Variants in APBB1IP observed in about 807,000 individuals in gnomAD.
APBB1IP encodes the protein amyloid beta precursor protein binding family B member 1 interacting protein, also known as amyloid beta A4 precursor protein-binding family B member 1-interacting protein.
Under a neutral mutation model 64.9 loss-of-function variants are expected in APBB1IP, and 27 were observed. The observed-to-expected ratio is 0.42, with a 90% CI of 0.31 to 0.57. The LOEUF (loss-of-function observed/expected upper bound fraction) is 0.57, where lower values mean the gene tolerates loss of function less well. Among genes scored for constraint, APBB1IP ranks in the 20% least tolerant of loss-of-function variants. The pLI, the probability that APBB1IP is intolerant of heterozygous loss-of-function variation, is 0.20. For missense variants in APBB1IP, 812 were observed against 845.5 expected (o/e 0.96, Z 0.49); for synonymous variants, 392 against 331.0 (o/e 1.18, Z -2.00).
intron 14 of APBB1IP, 22 bp downstream of exon 14, chr10:26,562,451 C>A: frequency 6.3e-7 from 1 of 1,583,532 alleles, no homozygotes; most frequent in Non-Finnish European, 8.7e-7. Flanking sequence ...AAGCAGCTGA[C>A]CCCTATAAGC....
chr10:26,540,391 G>A (rs1461564954), intron 10 of APBB1IP, among the ~76,000 whole-genome samples: 6 of 152,130 alleles, frequency 3.9e-5, no homozygotes, highest in African/African-American at 1.4e-4. Context: ...CCTGGGCAAC[G>A]TCATGGGATA....
At chr10:26,484,657 A>G (rs1835871575) in intron 2 of APBB1IP, among the ~76,000 whole-genome samples, 1 of 152,130 alleles carries the variant, frequency 6.6e-6, no homozygotes, top group African/African-American at 2.4e-5. Context: ...TTTCTGTTTT[A>G]TTAAAAAATT....
intron 2 of APBB1IP, among the ~76,000 whole-genome samples, chr10:26,488,689 A>G (rs1835921844): frequency 6.6e-6 from 1 of 152,214 alleles, no homozygotes; most frequent in South Asian, 2.1e-4. Flanking sequence ...TAGGTGCCAT[A>G]AACACTTTTT....
At chr10:26,516,434 T>G (rs1394359005) in intron 8 of APBB1IP, among the ~76,000 whole-genome samples, 1 of 148,356 alleles carries the variant, frequency 6.7e-6, no homozygotes, top group Non-Finnish European at 1.5e-5. Flanking sequence ...TCTCAGCTAC[T>G]TGGGAGGCTG....
intron 11 of APBB1IP, among the ~76,000 whole-genome samples, chr10:26,554,960 C>G (rs932365815): frequency 6.6e-6 from 1 of 152,016 alleles, no homozygotes; most frequent in East Asian, 1.9e-4. Context: ...TGGCAATGAC[C>G]CTATTTCCAA....
intron 2 of APBB1IP, among the ~76,000 whole-genome samples, chr10:26,469,408 C>T (rs1466428554): frequency 6.6e-6 from 1 of 151,650 alleles, no homozygotes; most frequent in African/African-American, 2.4e-5. Context: ...GACAGGCGTG[C>T]ACCACCACAC....
At chr10:26,460,733 A>G (rs1384126499) in intron 2 of APBB1IP, among the ~76,000 whole-genome samples, 1 of 152,176 alleles carries the variant, frequency 6.6e-6, no homozygotes, top group African/African-American at 2.4e-5. Context: ...TCTCACTTAT[A>G]AGTGGGAGCT....
chr10:26,560,616 G>A (rs1387292881), intron 12 of APBB1IP, 114 bp from the exon 13 acceptor site: 2 of 670,828 alleles, frequency 3.0e-6, no homozygotes, highest in Non-Finnish European at 4.9e-6. Flanking sequence ...TCAGACAAGT[G>A]GTGAACAGAG....
intron 2 of APBB1IP, among the ~76,000 whole-genome samples, chr10:26,481,904 C>G (rs1445233023): frequency 6.6e-6 from 1 of 151,576 alleles, no homozygotes; most frequent in Non-Finnish European, 1.5e-5. Context: ...TCAAAGCACT[C>G]TCTTAGTATT....
chr10:26,472,767 T>C (rs1436357462), intron 2 of APBB1IP, among the ~76,000 whole-genome samples: 2 of 151,980 alleles, frequency 1.3e-5, no homozygotes, highest in African/African-American at 4.8e-5. Flanking sequence ...TGAAACCCCG[T>C]CTCTACTAAA....
intron 8 of APBB1IP, among the ~76,000 whole-genome samples, chr10:26,529,618 C>T (rs990119425): frequency 6.6e-6 from 1 of 152,030 alleles, no homozygotes; most frequent in Non-Finnish European, 1.5e-5. Flanking sequence ...CAAACACTTG[C>T]TCTGGAGTCT....
At chr10:26,515,461 T>C (rs1056663524) in intron 8 of APBB1IP, among the ~76,000 whole-genome samples, 5 of 152,162 alleles carry the variant, frequency 3.3e-5, no homozygotes, top group African/African-American at 7.2e-5. Context: ...TTCCATCCCA[T>C]TGGCCAGAAA....
In APBB1IP at chr10:26,501,215, TCTGAGATA is replaced by T. The variant is rs370694496; in HGVS notation, c.453+107_453+114del. ...ATTCCTAAGTTGGTACATCCAAAGA[TCTGAGATA>T]CTAAAAAACAAAGATACAGAGCACG... On this transcript the variant is annotated intron_variant, in intron 5 of 14. Coordinates refer to ENST00000376236, the MANE Select transcript of APBB1IP (RefSeq NM_019043.4). 936 of 1,513,886 alleles carry T rather than the reference TCTGAGATA, an allele frequency of 6.2e-4. 11 individuals carry two copies. In the African/African-American group the frequency reaches 0.011, roughly 18 times the overall value. 93.8% of individuals were successfully genotyped at this position (1,513,886 alleles called of 1,614,324 possible).
At chr10:26,509,570 G>A (rs1476740352) in intron 6 of APBB1IP, 2 of 152,200 alleles carry the variant, frequency 1.3e-5, no homozygotes, top group Non-Finnish European at 2.9e-5. Context: ...ACTATAGAGT[G>A]TTAGGAAAGA....
chr10:26,515,469 A>G (rs886749595), intron 8 of APBB1IP, among the ~76,000 whole-genome samples: 6 of 152,300 alleles, frequency 3.9e-5, no homozygotes, highest in African/African-American at 1.4e-4. Flanking sequence ...CATTGGCCAG[A>G]AATTAGTTAC....
chr10:26,525,792 G>T (rs1182390522), intron 8 of APBB1IP, among the ~76,000 whole-genome samples: 1 of 152,146 alleles, frequency 6.6e-6, no homozygotes, highest in African/African-American at 2.4e-5. Context: ...GGAAGAAGTG[G>T]GTATTTTTGT....
At chr10:26,495,613 A>T (rs1836011373) in intron 3 of APBB1IP, among the ~76,000 whole-genome samples, 1 of 96,182 alleles carries the variant, frequency 1.0e-5, no homozygotes, top group Non-Finnish European at 1.9e-5. Flanking sequence ...CATTTTTGTT[A>T]AAAAAAAAAA....
At position 26,444,070 on chromosome 10, in the gene APBB1IP, G is replaced by T. The variant is rs146021201; in HGVS notation, c.-1+5217G>T. Reference sequence around the variant, plus strand: ...TTGCAATATGCGATAAGGTGGTCAGGCTGGGCCCTTTCGTTTGCAGGAGAC... The same window carrying T: ...TTGCAATATGCGATAAGGTGGTCAGTCTGGGCCCTTTCGTTTGCAGGAGAC... On this transcript the variant is annotated intron_variant, in intron 2 of 14. Coordinates refer to ENST00000376236, the MANE Select transcript of APBB1IP (RefSeq NM_019043.4). Among the ~76,000 whole-genome samples the T allele has an allele frequency of 5.2e-3, 793 of 152,298 alleles. 2 individuals carry two copies. Among genetic ancestry groups the T allele is most frequent in the African/African-American group, 0.018 (764 of 41,550 alleles).
At chr10:26,559,593 G>A (rs1836940575) in intron 11 of APBB1IP, among the ~76,000 whole-genome samples, 2 of 150,450 alleles carry the variant, frequency 1.3e-5, no homozygotes. Context: ...ATGTGCTTAT[G>A]ATAAATCATA....
Sources: allele counts gnomAD v4.1 joint callset (sites outside exome capture counted in the v4.1 genomes callset), GRCh38; gene constraint gnomAD v4.1.1; transcripts MANE v1.5; gene names NCBI Gene and HGNC (gene_info 2026-07-23, HGNC 2026-07-21).